The following SEC24B variants were observed in gnomAD, a reference collection of about 807,000 sequenced individuals.
SEC24B encodes protein transport protein Sec24B.
SEC24B carries 45 observed loss-of-function variants against 142.8 expected under a neutral mutation model. The ratio of observed to expected loss-of-function variants is 0.32; its 90% CI spans 0.25 to 0.40. The LOEUF is 0.40. Among genes scored for constraint, SEC24B ranks in the 10% least tolerant of loss-of-function variants. SEC24B has a pLI of 1.00. For synonymous variants in SEC24B, 574 were observed against 568.2 expected, an observed-to-expected ratio of 1.01 and a Z score of -0.15; for missense variants, 1,409 against 1,526.8, an observed-to-expected ratio of 0.92 and a Z score of 1.29.
In SEC24B at chr4:109,482,979, T is replaced by TACACACACAC. The variant is rs1554001099; in HGVS notation, c.1165+1214_1165+1223dup. ...ATATATATATATATATATATATATA[T>TACACACACAC]ACACACACACACACACACACACACA... On this transcript the variant is annotated intron_variant, in intron 4 of 23. Coordinates refer to ENST00000265175, the MANE Select transcript of SEC24B (RefSeq NM_006323.5). Among the ~76,000 whole-genome samples, 206 of 26,304 alleles carry TACACACACAC rather than the reference T, an allele frequency of 7.8e-3. 3 individuals are homozygous for TACACACACAC. Among genetic ancestry groups the TACACACACAC allele is most frequent in the East Asian group, 0.011 (10 of 922 alleles). 17.3% of individuals were successfully genotyped at this position (26,304 alleles called of 152,430 possible). A position where few individuals can be genotyped will look rare whatever the true frequency, so the allele number is the denominator to read the frequency against.
At chr4:109,456,334 GTT>G (rs70949081) in intron 1 of SEC24B, among the ~76,000 whole-genome samples, 2 of 94,100 alleles carry the variant, frequency 2.1e-5, no homozygotes, top group Non-Finnish European at 2.1e-5. Context: ...GGTTTTTTTT[GTT>G]TTTTTTTTTT....
intron 22 of SEC24B, among the ~76,000 whole-genome samples, chr4:109,534,900 A>G (rs1036878281): frequency 1.3e-5 from 2 of 152,182 alleles, no homozygotes; most frequent in African/African-American, 2.4e-5. Context: ...CTGGTCTCGA[A>G]CTACTGGGCT....
intron 23 of SEC24B, among the ~76,000 whole-genome samples, chr4:109,538,804 T>C (rs1261107578): frequency 6.6e-6 from 1 of 152,104 alleles, no homozygotes; most frequent in Non-Finnish European, 1.5e-5. Context: ...TAATTTGAGA[T>C]AGAGTCTCAC....
chr4:109,526,750 G>T (rs1335566807), intron 17 of SEC24B, among the ~76,000 whole-genome samples: 1 of 152,076 alleles, frequency 6.6e-6, no homozygotes, highest in Non-Finnish European at 1.5e-5. Context: ...AAGTTTTCTG[G>T]TATTTTACTC....
At chr4:109,527,158 G>T (rs1254536964) in intron 17 of SEC24B, among the ~76,000 whole-genome samples, 164 bp from the exon 18 acceptor site, 1 of 151,084 alleles carries the variant, frequency 6.6e-6, no homozygotes, top group African/African-American at 2.4e-5. Flanking sequence ...GACAGAAGTT[G>T]CAGTGAGCTG....
At chr4:109,501,616 G>A (rs924498132) in intron 6 of SEC24B, among the ~76,000 whole-genome samples, 5 of 152,132 alleles carry the variant, frequency 3.3e-5, no homozygotes, top group South Asian at 2.1e-4. Context: ...GATTATAGGC[G>A]TGTGCCACCA....
At chr4:109,474,612 A>G (rs775259669) in intron 3 of SEC24B, among the ~76,000 whole-genome samples, 4 of 151,828 alleles carry the variant, frequency 2.6e-5, no homozygotes, top group Non-Finnish European at 4.4e-5. Flanking sequence ...TTTGGTGGAG[A>G]TGGGGTTTTA....
At chr4:109,522,924 A>G (rs1201204890) in intron 14 of SEC24B, among the ~76,000 whole-genome samples, 2 of 152,170 alleles carry the variant, frequency 1.3e-5, no homozygotes, top group Non-Finnish European at 2.9e-5. Context: ...AGTAGAGACA[A>G]CATCTTGCTG....
chr4:109,481,605 T>G (rs984247945), intron 3 of SEC24B, 72 bp from the exon 4 acceptor site: 1 of 1,015,340 alleles, frequency 9.8e-7, no homozygotes, highest in Non-Finnish European at 1.5e-6. Flanking sequence ...TCACTTTTAA[T>G]GCAATGTCAA....
At chr4:109,514,117 A>C (rs993662228) in intron 10 of SEC24B, among the ~76,000 whole-genome samples, 1 of 152,096 alleles carries the variant, frequency 6.6e-6, no homozygotes, top group African/African-American at 2.4e-5. Context: ...TGCCATTTTG[A>C]TTTCCTTGCA....
At chr4:109,483,374 C>T (rs534922123) in intron 4 of SEC24B, among the ~76,000 whole-genome samples, 19 of 152,012 alleles carry the variant, frequency 1.2e-4, no homozygotes, top group South Asian at 4.2e-4. Context: ...CCACAGTGCC[C>T]GGCCTTGTGC....
At chr4:109,521,249 A>C in intron 13 of SEC24B, 77 bp downstream of exon 13, 4 of 1,040,926 alleles carry the variant, frequency 3.8e-6, no homozygotes, top group Non-Finnish European at 5.7e-6. Context: ...ACATTTGTTT[A>C]CTTGATATAT....
intron 3 of SEC24B, among the ~76,000 whole-genome samples, chr4:109,476,933 C>T (rs1297805686): frequency 1.3e-5 from 2 of 151,538 alleles, no homozygotes; most frequent in East Asian, 1.9e-4. Flanking sequence ...GTCAGGAGAT[C>T]GAGACCATCC....
chr4:109,517,979 ATTTT>A (rs1234072642), intron 11 of SEC24B, among the ~76,000 whole-genome samples: 3,296 of 124,932 alleles, frequency 0.026, 124 homozygotes, highest in African/African-American at 0.09. Flanking sequence ...TTATTTATTT[ATTTT>A]TTGAGACAGA....
chr4:109,534,303 T>C (rs1241625631), intron 22 of SEC24B, among the ~76,000 whole-genome samples: 1 of 151,348 alleles, frequency 6.6e-6, no homozygotes, highest in African/African-American at 2.4e-5. Context: ...ACTATTAAAA[T>C]GGGCCAGGCG....
At chr4:109,461,133 A>C (rs1046774815) in intron 1 of SEC24B, among the ~76,000 whole-genome samples, 1 of 152,160 alleles carries the variant, frequency 6.6e-6, no homozygotes, top group Non-Finnish European at 1.5e-5. Context: ...CAGAAAAAGC[A>C]AACAGCAGAG....
At chr4:109,459,089 G>A (rs1156920919) in intron 1 of SEC24B, among the ~76,000 whole-genome samples, 2 of 152,100 alleles carry the variant, frequency 1.3e-5, no homozygotes, top group Non-Finnish European at 2.9e-5. Context: ...ATGTATATGT[G>A]TACATAATGC....
chr4:109,513,720 A>G (rs1737632233), intron 9 of SEC24B, 27 bp from the exon 10 acceptor site: 1 of 1,304,368 alleles, frequency 7.7e-7, no homozygotes, highest in African/African-American at 1.5e-5. Flanking sequence ...TTGTGTCTCT[A>G]AATTTGTACT....
At chr4:109,486,184 T>C (rs988950941) in intron 4 of SEC24B, among the ~76,000 whole-genome samples, 3 of 152,214 alleles carry the variant, frequency 2.0e-5, no homozygotes, top group East Asian at 1.9e-4. Context: ...GTAGGTGTTA[T>C]TATGAAATCT....
Sources: allele counts gnomAD v4.1 joint callset (sites outside exome capture counted in the v4.1 genomes callset), GRCh38; gene constraint gnomAD v4.1.1; transcripts MANE v1.5; gene names NCBI Gene and HGNC (gene_info 2026-07-23, HGNC 2026-07-21).